The following MAP3K2 variants were observed in gnomAD, a reference collection of about 807,000 sequenced individuals.
MAP3K2 encodes the protein mitogen-activated protein kinase kinase kinase 2.
In MAP3K2, 24 loss-of-function variants were observed where a neutral mutation model predicts 80.3. That is an observed-to-expected ratio of 0.30 (90% CI 0.22 to 0.42). The LOEUF is 0.42. Ranked by LOEUF, MAP3K2 falls within the 10% of genes least tolerant of loss-of-function variation. MAP3K2 has a pLI of 1.00. For synonymous variants in MAP3K2, 244 were observed against 253.7 expected, an observed-to-expected ratio of 0.96 and a Z score of 0.36; for missense variants, 608 against 750.1, an observed-to-expected ratio of 0.81 and a Z score of 2.21.
chr2:127,361,312 CAA>C lies in MAP3K2; in HGVS notation c.-65-18120_-65-18119del, dbSNP rs1233881088. On this transcript the variant is annotated intron_variant, in intron 1 of 16. Coordinates refer to ENST00000682094, the MANE Select transcript of MAP3K2 (RefSeq NM_001371910.2). ...TGGGGGACAGAGCAACACTCTGTCTCAAAAAAAAAAAAAAAAAAAAAATTAAA... is the reference window on the plus strand; with the variant it reads ...TGGGGGACAGAGCAACACTCTGTCTCAAAAAAAAAAAAAAAAAAAATTAAA... Among the ~76,000 whole-genome samples the C allele has an allele frequency of 2.7e-4, 18 of 66,044 alleles. 1 individual carries two copies. The highest frequency in any genetic ancestry group is 3.6e-4 in the Non-Finnish European group (11 of 30,796). The allele number at this position is 66,044 out of a possible 152,430, so 43.3% of individuals were successfully genotyped here.
chr2:127,378,981 G>GTTTTT (rs58961718), intron 1 of MAP3K2, among the ~76,000 whole-genome samples: 1 of 88,050 alleles, frequency 1.1e-5, no homozygotes, highest in Non-Finnish European at 2.1e-5. Flanking sequence ...GTTTTTTGTT[G>GTTTTT]TTTTTTTTTT....
At chr2:127,343,060 GA>G in intron 2 of MAP3K2, 65 bp downstream of exon 2, 1 of 1,303,274 alleles carries the variant, frequency 7.7e-7, no homozygotes, top group South Asian at 1.3e-5. Flanking sequence ...ACATAATAGA[GA>G]AAGTTTTTTC....
chr2:127,340,672 A>G (rs1686461844), intron 2 of MAP3K2, among the ~76,000 whole-genome samples: 1 of 151,968 alleles, frequency 6.6e-6, no homozygotes, highest in Admixed American at 6.6e-5. Flanking sequence ...AGGAAAAAAA[A>G]AAAAAAGGTA....
chr2:127,355,402 G>A (rs920997390), intron 1 of MAP3K2, among the ~76,000 whole-genome samples: 3 of 152,026 alleles, frequency 2.0e-5, no homozygotes, highest in Admixed American at 2.0e-4. Flanking sequence ...ACAGATGATG[G>A]CAATAAGGCA....
intron 7 of MAP3K2, 72 bp downstream of exon 7, chr2:127,329,849 C>T (rs1460725765): frequency 1.2e-5 from 10 of 810,120 alleles, no homozygotes; most frequent in Non-Finnish European, 1.9e-5. Context: ...TGTTTAGGTG[C>T]CACACTACAT....
intron 10 of MAP3K2, 50 bp from the exon 11 acceptor site, chr2:127,324,044 A>ATATT: frequency 8.9e-7 from 1 of 1,127,270 alleles, no homozygotes; most frequent in Non-Finnish European, 1.3e-6. Flanking sequence ...AAAAAGTTAA[A>ATATT]TATTTCTAAT....
At chr2:127,324,114 C>A in intron 10 of MAP3K2, 60 bp downstream of exon 10, 1 of 1,240,324 alleles carries the variant, frequency 8.1e-7, no homozygotes, top group African/African-American at 1.5e-5. Flanking sequence ...CTCTCCCTCC[C>A]AGCCAAAACA....
At chr2:127,355,931 C>T (rs779129970) in intron 1 of MAP3K2, among the ~76,000 whole-genome samples, 8 of 152,076 alleles carry the variant, frequency 5.3e-5, no homozygotes, top group Non-Finnish European at 1.0e-4. Flanking sequence ...CAACAATGTT[C>T]GCAGCATCTT....
intron 2 of MAP3K2, among the ~76,000 whole-genome samples, chr2:127,341,739 A>G (rs1044482231): frequency 2.0e-5 from 3 of 151,590 alleles, no homozygotes; most frequent in Non-Finnish European, 2.9e-5. Context: ...TCACTGTGTT[A>G]GCCAGGATGG....
At chr2:127,373,649 G>A (rs1415217321) in intron 1 of MAP3K2, among the ~76,000 whole-genome samples, 1 of 152,184 alleles carries the variant, frequency 6.6e-6, no homozygotes, top group Non-Finnish European at 1.5e-5. Flanking sequence ...CAGTTCAGCT[G>A]TTTGTTTTTC....
In MAP3K2 at chr2:127,387,533, G is replaced by T. The variant is rs1687390522; in HGVS notation, c.-147C>A. The T allele has an allele frequency of 3.0e-6, 3 of 984,984 alleles. No homozygotes were observed. Among genetic ancestry groups the T allele is most frequent in the Non-Finnish European group, 3.6e-6 (3 of 829,744 alleles). 61.0% of individuals were successfully genotyped at this position (984,984 alleles called of 1,614,324 possible). ...GAGCCCGCCCCTCCGCCCCAGCGCG[G>T]CCTGTCACCGCGGCCCCAGGTCGGG... is the stretch of plus-strand genomic sequence containing the variant. On this transcript the variant is annotated 5_prime_UTR_variant, in exon 1 of 17. Coordinates refer to ENST00000682094, the MANE Select transcript of MAP3K2 (RefSeq NM_001371910.2).
intron 13 of MAP3K2, 47 bp from the exon 14 acceptor site, chr2:127,317,807 G>A (rs867524218): frequency 4.5e-6 from 7 of 1,545,576 alleles, no homozygotes; most frequent in Middle Eastern, 1.8e-4. Flanking sequence ...GTCAGTAAAA[G>A]CAAAAAATTC....
chr2:127,367,463 C>T (rs1231792010), intron 1 of MAP3K2, among the ~76,000 whole-genome samples: 4 of 152,150 alleles, frequency 2.6e-5, no homozygotes, highest in African/African-American at 9.7e-5. Context: ...GACATTAGGT[C>T]TCATTTCCCT....
At chr2:127,312,728 C>T (rs556242641) in intron 15 of MAP3K2, among the ~76,000 whole-genome samples, 3 of 152,094 alleles carry the variant, frequency 2.0e-5, no homozygotes, top group South Asian at 4.2e-4. Context: ...TTTGAGAGGC[C>T]GAGGCAGGTG....
In MAP3K2 at chr2:127,326,681, G is replaced by C; in HGVS notation, c.597+6C>G. 6.5e-7 allele frequency: 1 copy of C among 1,548,678 alleles called. No individual in the cohort carries two copies. ...ATTAAATTTAAAAAATCAAACTTTT[G>C]CTTACTTGGTCCATGCTCTCTGGAA... On this transcript the variant is annotated splice_donor_region_variant and intron_variant, in intron 8 of 16. Coordinates refer to ENST00000682094, the MANE Select transcript of MAP3K2 (RefSeq NM_001371910.2).
At chr2:127,314,984 A>ACATG in intron 14 of MAP3K2, 101 bp from the exon 15 acceptor site, 1 of 806,262 alleles carries the variant, frequency 1.2e-6, no homozygotes, top group Non-Finnish European at 2.0e-6. Context: ...TTCTCATCTC[A>ACATG]CTCGTCTAAG....
intron 1 of MAP3K2, among the ~76,000 whole-genome samples, chr2:127,357,286 T>A (rs1458933694): frequency 1.3e-5 from 2 of 152,182 alleles, no homozygotes; most frequent in African/African-American, 4.8e-5. Flanking sequence ...AAAATTTACA[T>A]TGACAGTCTG....
At chr2:127,359,516 C>T (rs937978912) in intron 1 of MAP3K2, among the ~76,000 whole-genome samples, 2 of 152,172 alleles carry the variant, frequency 1.3e-5, no homozygotes, top group South Asian at 2.1e-4. Flanking sequence ...GAGTGTCAAG[C>T]GGTACAATCA....
In MAP3K2 at chr2:127,318,379, C is replaced by T. The variant is rs75000690; in HGVS notation, c.1046-62G>A. On this transcript the variant is annotated intron_variant, in intron 12 of 16. Coordinates refer to ENST00000682094, the MANE Select transcript of MAP3K2 (RefSeq NM_001371910.2). ...CAGCACACAAATAAATGGTTAATAA[C>T]TAAATGAGCATACTGCATTAGTGAC... is the stretch of plus-strand genomic sequence containing the variant. 2,310 of 1,333,912 alleles carry T rather than the reference C, an allele frequency of 1.7e-3. 30 individuals are homozygous for T. In the African/African-American group the frequency reaches 0.03, roughly 17 times the overall value. 82.6% of individuals were successfully genotyped at this position (1,333,912 alleles called of 1,614,324 possible).
Sources: gnomAD v4.1 joint callset for allele counts (sites outside exome capture counted in the v4.1 genomes callset) on GRCh38, gnomAD v4.1.1 for gene constraint, MANE v1.5 for transcripts, NCBI Gene and HGNC (gene_info 2026-07-23, HGNC 2026-07-21) for gene names.